CHCHD6: variants seen among roughly 807,000 people sequenced by gnomAD.
CHCHD6 encodes coiled-coil-helix-coiled-coil-helix domain containing 6, also known as MICOS complex subunit MIC25.
Under a neutral mutation model 32.3 loss-of-function variants are expected in CHCHD6, and 28 were observed. That is an observed-to-expected ratio of 0.87 (90% confidence interval 0.64 to 1.19). The LOEUF (loss-of-function observed/expected upper bound fraction) is 1.19. Ranked by LOEUF, CHCHD6 falls within the 50% of genes most tolerant of loss-of-function variation. The pLI is 0.00. For missense variants in CHCHD6, 333 were observed against 307.0 expected (o/e 1.08, Z -0.63); for synonymous variants, 122 against 117.5 (o/e 1.04, Z -0.25).
chr3:126,784,657 G>A (rs974268301), intron 4 of CHCHD6, among the ~76,000 whole-genome samples: 1 of 152,106 alleles, frequency 6.6e-6, no homozygotes, highest in Non-Finnish European at 1.5e-5. Context: ...ACCTTTCCCT[G>A]TTCAGGCATC....
At chr3:126,752,038 G>T (rs1936747936) in intron 4 of CHCHD6, among the ~76,000 whole-genome samples, 1 of 152,210 alleles carries the variant, frequency 6.6e-6, no homozygotes, top group East Asian at 1.9e-4. Flanking sequence ...TTAGGATGAG[G>T]CCAGAGCTTA....
At chr3:126,925,503 G>A (rs1290733696) in intron 6 of CHCHD6, among the ~76,000 whole-genome samples, 1 of 152,218 alleles carries the variant, frequency 6.6e-6, no homozygotes, top group East Asian at 1.9e-4. Context: ...CTGTGTAAAT[G>A]TTTAAGAAAA....
intron 6 of CHCHD6, among the ~76,000 whole-genome samples, chr3:126,943,394 C>T (rs796672563): frequency 2.9e-4 from 44 of 152,268 alleles, no homozygotes; most frequent in African/African-American, 1.0e-3. Flanking sequence ...TGTCCACTTT[C>T]CCTCTGCCTC....
intron 4 of CHCHD6, among the ~76,000 whole-genome samples, chr3:126,815,476 C>CT (rs1238987756): frequency 6.6e-6 from 1 of 152,216 alleles, no homozygotes; most frequent in Non-Finnish European, 1.5e-5. Context: ...ACCTCGTTGT[C>CT]TAAGCTGGAA....
intron 4 of CHCHD6, among the ~76,000 whole-genome samples, chr3:126,832,826 G>A (rs1194556279): frequency 6.6e-6 from 1 of 152,152 alleles, no homozygotes; most frequent in Non-Finnish European, 1.5e-5. Flanking sequence ...CTGAGTTAGG[G>A]CCACCACACC....
At chr3:126,851,023 TC>T (rs765117589) in intron 4 of CHCHD6, among the ~76,000 whole-genome samples, 1 of 152,146 alleles carries the variant, frequency 6.6e-6, no homozygotes, top group Non-Finnish European at 1.5e-5. Context: ...CTACTTCTTC[TC>T]CCTTATACAG....
At chr3:126,806,949 C>T (rs1411111867) in intron 4 of CHCHD6, among the ~76,000 whole-genome samples, 1 of 147,068 alleles carries the variant, frequency 6.8e-6, no homozygotes, top group African/African-American at 2.5e-5. Context: ...ATCGCAAGGA[C>T]AAAAAACGAA....
intron 4 of CHCHD6, among the ~76,000 whole-genome samples, chr3:126,811,422 T>G (rs1939649383): frequency 6.6e-6 from 1 of 152,232 alleles, no homozygotes; most frequent in African/African-American, 2.4e-5. Context: ...ACATCTCAAG[T>G]TTTAAGTGTT....
chr3:126,730,341 C>T (rs1228468876), intron 2 of CHCHD6, among the ~76,000 whole-genome samples: 5 of 152,176 alleles, frequency 3.3e-5, no homozygotes, highest in African/African-American at 7.2e-5. Context: ...GAGACCCCTT[C>T]GGGATAAGAG....
chr3:126,946,913 G>A (rs2078647582), intron 6 of CHCHD6, among the ~76,000 whole-genome samples: 1 of 152,218 alleles, frequency 6.6e-6, no homozygotes. Flanking sequence ...TTCCACACCA[G>A]GCCAATATTA....
intron 4 of CHCHD6, among the ~76,000 whole-genome samples, chr3:126,833,588 C>T (rs974416944): frequency 6.6e-6 from 1 of 152,200 alleles, no homozygotes; most frequent in Non-Finnish European, 1.5e-5. Context: ...AAAGTCCAGC[C>T]TTGCTGTCTG....
chr3:126,791,574 G>T (rs1034143856), intron 4 of CHCHD6, among the ~76,000 whole-genome samples: 4 of 152,250 alleles, frequency 2.6e-5, no homozygotes, highest in African/African-American at 9.6e-5. Flanking sequence ...ATCTCAAACT[G>T]CTGTGCTAAC....
At chr3:126,715,854 A>C (rs956713355) in intron 1 of CHCHD6, among the ~76,000 whole-genome samples, 2 of 151,996 alleles carry the variant, frequency 1.3e-5, no homozygotes, top group African/African-American at 4.8e-5. Context: ...ATACAAGTGC[A>C]CTCTTTCCTT....
chr3:126,925,434 G>A (rs1481535416), intron 6 of CHCHD6, among the ~76,000 whole-genome samples: 2 of 152,228 alleles, frequency 1.3e-5, no homozygotes, highest in African/African-American at 4.8e-5. Flanking sequence ...AGAACTTCCT[G>A]ATTTGCAATG....
chr3:126,908,758 T>C (rs2078041143), intron 5 of CHCHD6, among the ~76,000 whole-genome samples: 1 of 152,260 alleles, frequency 6.6e-6, no homozygotes, highest in African/African-American at 2.4e-5. Flanking sequence ...AAAACAGGTA[T>C]TGAATATTTA....
At chr3:126,786,127 T>C (rs1159457177) in intron 4 of CHCHD6, among the ~76,000 whole-genome samples, 2 of 152,218 alleles carry the variant, frequency 1.3e-5, no homozygotes, top group Admixed American at 6.5e-5. Context: ...GGTTTCCAGC[T>C]TCATCCATGT....
At chr3:126,786,918 G>T (rs1938242249) in intron 4 of CHCHD6, among the ~76,000 whole-genome samples, 1 of 152,146 alleles carries the variant, frequency 6.6e-6, no homozygotes, top group African/African-American at 2.4e-5. Flanking sequence ...GTCCTGAATG[G>T]TATTGCCTAT....
intron 4 of CHCHD6, among the ~76,000 whole-genome samples, chr3:126,790,294 A>G (rs556362781): frequency 1.3e-5 from 2 of 152,074 alleles, no homozygotes; most frequent in Non-Finnish European, 2.9e-5. Context: ...TCTGACAGTT[A>G]TGTGTCTTGG....
At chr3:126,934,566 T>TG (rs2078451833) in intron 6 of CHCHD6, among the ~76,000 whole-genome samples, 1 of 115,714 alleles carries the variant, frequency 8.6e-6, no homozygotes, top group Non-Finnish European at 1.9e-5. Flanking sequence ...TTTTTTTTTT[T>TG]GAGACTGAGT....
Sources: allele counts gnomAD v4.1 joint callset (sites outside exome capture counted in the v4.1 genomes callset), GRCh38; gene constraint gnomAD v4.1.1; transcripts MANE v1.5; gene names NCBI Gene and HGNC (gene_info 2026-07-23, HGNC 2026-07-21).